The following SETBP1 variants were observed in gnomAD, a reference collection of about 807,000 sequenced individuals.
The protein encoded by SETBP1 is SET binding protein 1, also known as SET-binding protein.
A neutral mutation model predicts 101.0 loss-of-function variants in SETBP1; 9 were observed. That is an observed-to-expected ratio of 0.09 (90% CI 0.05 to 0.16). SETBP1 has a LOEUF of 0.16. Ranked by LOEUF, SETBP1 falls within the 10% of genes least tolerant of loss-of-function variation. The pLI is 1.00. For synonymous variants in SETBP1, 818 were observed against 788.5 expected (o/e 1.04, Z -0.63); for missense variants, 1,858 against 2,033.8 (o/e 0.91, Z 1.66).
intron 2 of SETBP1, among the ~76,000 whole-genome samples, chr18:44,718,911 C>T (rs535178388): frequency 1.2e-3 from 184 of 152,116 alleles, no homozygotes; most frequent in African/African-American, 4.3e-3. Context: ...TGTAATTGAC[C>T]GATTAATTTG....
At chr18:44,899,607 A>C (rs2069991110) in intron 3 of SETBP1, among the ~76,000 whole-genome samples, 1 of 152,090 alleles carries the variant, frequency 6.6e-6, no homozygotes, top group South Asian at 2.1e-4. Flanking sequence ...CACTTAGAAG[A>C]TCTCACACTT....
At chr18:45,050,873 T>C (rs561887102) in intron 5 of SETBP1, among the ~76,000 whole-genome samples, 25 of 152,378 alleles carry the variant, frequency 1.6e-4, no homozygotes, top group African/African-American at 5.3e-4. Context: ...CTCCAGGGCA[T>C]CTTCTTGTTC....
chr18:44,824,628 C>T (rs994657848), intron 2 of SETBP1, among the ~76,000 whole-genome samples: 5 of 152,014 alleles, frequency 3.3e-5, no homozygotes, highest in Admixed American at 1.3e-4. Flanking sequence ...TTTTAAAAGA[C>T]CCATTAATAT....
At chr18:44,911,157 T>A (rs2070299486) in intron 3 of SETBP1, among the ~76,000 whole-genome samples, 1 of 152,198 alleles carries the variant, frequency 6.6e-6, no homozygotes, top group Non-Finnish European at 1.5e-5. Context: ...AAATGTTGTA[T>A]CTGTGATGAG....
chr18:45,042,389 A>G (rs1402665520), intron 5 of SETBP1, among the ~76,000 whole-genome samples: 1 of 152,178 alleles, frequency 6.6e-6, no homozygotes, highest in Non-Finnish European at 1.5e-5. Context: ...ACCTCAGGTG[A>G]TCCGCCCACT....
chr18:44,858,429 A>G (rs1718904095), intron 2 of SETBP1, among the ~76,000 whole-genome samples: 1 of 152,254 alleles, frequency 6.6e-6, no homozygotes, highest in Non-Finnish European at 1.5e-5. Context: ...ATTTCAACCA[A>G]TGGCAAAGCA....
chr18:44,730,276 A>G (rs1191513683), intron 2 of SETBP1, among the ~76,000 whole-genome samples: 4 of 152,236 alleles, frequency 2.6e-5, no homozygotes, highest in African/African-American at 9.6e-5. Flanking sequence ...TAAGACAAAC[A>G]TGGAAAACTA....
intron 2 of SETBP1, among the ~76,000 whole-genome samples, chr18:44,743,878 T>C (rs1425583126): frequency 6.6e-6 from 1 of 152,234 alleles, no homozygotes; most frequent in Non-Finnish European, 1.5e-5. Context: ...AGTGTAAAGA[T>C]GTCACTGAAT....
At chr18:44,794,996 G>T (rs1339279347) in intron 2 of SETBP1, among the ~76,000 whole-genome samples, 6 of 152,126 alleles carry the variant, frequency 3.9e-5, no homozygotes, top group Admixed American at 3.9e-4. Context: ...TGTGGCAGAG[G>T]CCCTCCCCTC....
chr18:44,719,380 C>T (rs10468855), intron 2 of SETBP1, among the ~76,000 whole-genome samples: 22,439 of 152,050 alleles, frequency 0.15, 1,951 homozygotes, highest in East Asian at 0.23. Context: ...GTGGTATGTG[C>T]GTATGGGCGG....
intron 4 of SETBP1, among the ~76,000 whole-genome samples, chr18:45,030,991 T>A (rs1383299876): frequency 6.6e-6 from 1 of 151,932 alleles, no homozygotes; most frequent in African/African-American, 2.4e-5. Flanking sequence ...TTTTGAAGGG[T>A]TTTTTGTGTC....
chr18:44,873,716 A>G (rs1186676682), intron 3 of SETBP1, among the ~76,000 whole-genome samples: 1 of 152,208 alleles, frequency 6.6e-6, no homozygotes, highest in Non-Finnish European at 1.5e-5. Flanking sequence ...AAGTGGGGCC[A>G]AATTTCAGGT....
intron 2 of SETBP1, among the ~76,000 whole-genome samples, chr18:44,813,420 T>C (rs993018536): frequency 6.6e-6 from 1 of 152,072 alleles, no homozygotes; most frequent in Non-Finnish European, 1.5e-5. Flanking sequence ...AAGAAGCCAA[T>C]AGCCCACTCA....
intron 4 of SETBP1, among the ~76,000 whole-genome samples, chr18:44,984,003 C>A (rs2072172514): frequency 6.6e-6 from 1 of 151,170 alleles, no homozygotes; most frequent in Non-Finnish European, 1.5e-5. Flanking sequence ...GAGTTCGAGA[C>A]CACCCCGGCT....
chr18:45,023,196 T>C (rs1486115507), intron 4 of SETBP1, among the ~76,000 whole-genome samples: 1 of 152,248 alleles, frequency 6.6e-6, no homozygotes, highest in Non-Finnish European at 1.5e-5. Flanking sequence ...ATCAATTATT[T>C]ATGTTTGTAT....
At chr18:44,972,786 TG>T (rs1233880663) in intron 4 of SETBP1, among the ~76,000 whole-genome samples, 2 of 152,188 alleles carry the variant, frequency 1.3e-5, no homozygotes, top group East Asian at 3.9e-4. Flanking sequence ...GCTGAGATGA[TG>T]GGGTTTTCTA....
chr18:44,833,076 G>A (rs538983125), intron 2 of SETBP1, among the ~76,000 whole-genome samples: 8 of 152,312 alleles, frequency 5.3e-5, no homozygotes, highest in South Asian at 2.1e-4. Flanking sequence ...GATACTGGAC[G>A]GTAAGTCTAA....
At chr18:44,799,435 A>G (rs1296116878) in intron 2 of SETBP1, among the ~76,000 whole-genome samples, 1 of 152,118 alleles carries the variant, frequency 6.6e-6, no homozygotes, top group African/African-American at 2.4e-5. Flanking sequence ...AAATGCAGGC[A>G]TGCGTAGAAA....
chr18:44,998,929 C>A (rs1289626288), intron 4 of SETBP1, among the ~76,000 whole-genome samples: 1 of 152,228 alleles, frequency 6.6e-6, no homozygotes, highest in Non-Finnish European at 1.5e-5. Context: ...GCTTTCTAGA[C>A]ACCCAGTGGA....
Sources: allele counts gnomAD v4.1 joint callset (sites outside exome capture counted in the v4.1 genomes callset), GRCh38; gene constraint gnomAD v4.1.1; transcripts MANE v1.5; gene names NCBI Gene and HGNC (gene_info 2026-07-23, HGNC 2026-07-21).